LMBRD1: variants seen among roughly 807,000 people sequenced by gnomAD.
The protein encoded by LMBRD1 is lysosomal cobalamin transport escort protein LMBD1.
LMBRD1 carries 64 observed loss-of-function variants against 74.8 expected under a neutral mutation model. The ratio of observed to expected loss-of-function variants is 0.86; its 90% CI spans 0.70 to 1.05. The LOEUF (loss-of-function observed/expected upper bound fraction) is 1.05. Ranked by LOEUF, LMBRD1 falls within the 50% of genes least tolerant of loss-of-function variation. LMBRD1 has a pLI of 0.00. For synonymous variants in LMBRD1, 204 were observed against 216.3 expected (o/e 0.94, Z 0.50); for missense variants, 652 against 645.9 (o/e 1.01, Z -0.10).
At chr6:69,696,995 G>GA (rs968848158) in intron 14 of LMBRD1, among the ~76,000 whole-genome samples, 5 of 115,362 alleles carry the variant, frequency 4.3e-5, no homozygotes, top group East Asian at 2.5e-4. Context: ...AACATTCAAA[G>GA]AAAAAAAAAT....
chr6:69,726,793 A>G (rs927558428), intron 7 of LMBRD1, among the ~76,000 whole-genome samples: 3 of 149,082 alleles, frequency 2.0e-5, no homozygotes, highest in African/African-American at 7.4e-5. Flanking sequence ...AAAAAAAAAA[A>G]TGAGTAAGAC....
intron 3 of LMBRD1, among the ~76,000 whole-genome samples, chr6:69,775,782 A>G (rs1021358157): frequency 2.0e-5 from 3 of 152,228 alleles, no homozygotes; most frequent in Admixed American, 2.0e-4. Flanking sequence ...TGTGAGCTAC[A>G]GTAGCCACTT....
At chr6:69,724,128 A>T (rs1321602956) in intron 7 of LMBRD1, among the ~76,000 whole-genome samples, 1 of 151,982 alleles carries the variant, frequency 6.6e-6, no homozygotes, top group Non-Finnish European at 1.5e-5. Flanking sequence ...AATCCTGAAC[A>T]GACCAGTAAT....
At chr6:69,781,078 C>T (rs1192511561) in intron 2 of LMBRD1, among the ~76,000 whole-genome samples, 1 of 152,124 alleles carries the variant, frequency 6.6e-6, no homozygotes, top group African/African-American at 2.4e-5. Flanking sequence ...GAATTTTATG[C>T]AGAGAGCAAC....
intron 7 of LMBRD1, among the ~76,000 whole-genome samples, chr6:69,722,530 T>C (rs565435074): frequency 1.3e-5 from 2 of 152,220 alleles, no homozygotes; most frequent in South Asian, 4.1e-4. Flanking sequence ...ACAAAAAGTT[T>C]AAAAGCAGGA....
intron 3 of LMBRD1, among the ~76,000 whole-genome samples, chr6:69,759,829 C>T (rs1278095985): frequency 6.6e-6 from 1 of 152,064 alleles, no homozygotes; most frequent in Non-Finnish European, 1.5e-5. Context: ...TAAAAAATTT[C>T]TTAAATCAAT....
intron 3 of LMBRD1, among the ~76,000 whole-genome samples, chr6:69,776,883 A>C (rs1008768684): frequency 6.6e-6 from 1 of 152,208 alleles, no homozygotes; most frequent in Non-Finnish European, 1.5e-5. Context: ...GGGCAGGTGC[A>C]GTGGCTCACG....
Position 69,694,392 on chromosome 6 carries a change from T to C in LMBRD1, c.1417+3171A>G, listed in dbSNP as rs150542940. Among the ~76,000 whole-genome samples the C allele has an allele frequency of 3.9e-3, 596 of 152,288 alleles. 2 individuals carry two copies. Among genetic ancestry groups the C allele is most frequent in the Non-Finnish European group, 5.1e-3 (346 of 67,984 alleles). On this transcript the variant is annotated intron_variant, in intron 14 of 15. Transcript: ENST00000649934. Reference sequence around the variant, plus strand: ...CAATCTGTTTTCATCCAGCTAAATATGCAACTCAAAGCACTTCAACTATCA... The same window carrying C: ...CAATCTGTTTTCATCCAGCTAAATACGCAACTCAAAGCACTTCAACTATCA...
chr6:69,700,671 T>C, intron 12 of LMBRD1, 94 bp downstream of exon 12: 1 of 858,202 alleles, frequency 1.2e-6, no homozygotes, highest in South Asian at 2.5e-5. Flanking sequence ...GGTATAAAGA[T>C]ACAGCTACTA....
chr6:69,788,044 A>G (rs1431673675), intron 2 of LMBRD1, among the ~76,000 whole-genome samples: 2 of 152,234 alleles, frequency 1.3e-5, no homozygotes, highest in Admixed American at 1.3e-4. Context: ...ATTTCCTAGG[A>G]AGCGAGCACT....
chr6:69,750,282 T>A (rs990316662), intron 4 of LMBRD1, among the ~76,000 whole-genome samples: 3 of 151,692 alleles, frequency 2.0e-5, no homozygotes, highest in Non-Finnish European at 4.4e-5. Context: ...TCTTTAGACA[T>A]AAGGAAGCTT....
chr6:69,745,073 ATCCACCTCCC>A (rs1767189896), intron 5 of LMBRD1, among the ~76,000 whole-genome samples: 1 of 151,488 alleles, frequency 6.6e-6, no homozygotes, highest in Non-Finnish European at 1.5e-5. Context: ...TGACCTCGTG[ATCCACCTCCC>A]TCGGCCTCCC....
intron 14 of LMBRD1, among the ~76,000 whole-genome samples, chr6:69,680,344 C>T (rs1454663036): frequency 1.3e-5 from 2 of 152,098 alleles, no homozygotes; most frequent in Admixed American, 6.6e-5. Context: ...TTATTTCACT[C>T]ATTTCCATAC....
chr6:69,718,697 T>C (rs1766546995), intron 8 of LMBRD1, among the ~76,000 whole-genome samples: 1 of 152,182 alleles, frequency 6.6e-6, no homozygotes, highest in African/African-American at 2.4e-5. Context: ...TCACTCACTA[T>C]CATGAGAACA....
chr6:69,757,267 C>CA lies in LMBRD1; in HGVS notation c.308-4912dup, dbSNP rs534674273. ...AATGGACAACACTAATCTGAGAAGTCAAAAAAAAATGGGGCAGCTATTGAC... is the reference window on the plus strand; with the variant it reads ...AATGGACAACACTAATCTGAGAAGTCAAAAAAAAAATGGGGCAGCTATTGAC... On this transcript the variant is annotated intron_variant, in intron 3 of 15. Coordinates refer to ENST00000649934, the MANE Select transcript of LMBRD1 (RefSeq NM_018368.4). Among the ~76,000 whole-genome samples the CA allele has an allele frequency of 8.8e-5, 13 of 148,474 alleles. No homozygotes were observed. The South Asian group carries it at 1.3e-3, about 15-fold the overall frequency.
chr6:69,699,804 A>G (rs1766087414), intron 12 of LMBRD1, among the ~76,000 whole-genome samples: 1 of 151,878 alleles, frequency 6.6e-6, no homozygotes, highest in Non-Finnish European at 1.5e-5. Context: ...AGATTGTAGT[A>G]CACCACAATT....
intron 2 of LMBRD1, among the ~76,000 whole-genome samples, chr6:69,786,909 G>A (rs1362314172): frequency 1.3e-5 from 2 of 152,184 alleles, no homozygotes; most frequent in African/African-American, 4.8e-5. Context: ...CATAATTAGA[G>A]AGAGGCTTCA....
chr6:69,687,474 G>C (rs1244981538), intron 14 of LMBRD1, among the ~76,000 whole-genome samples: 2 of 152,118 alleles, frequency 1.3e-5, no homozygotes, highest in East Asian at 3.9e-4. Context: ...CTAGCACAGA[G>C]CAGACATCAA....
chr6:69,715,469 G>A (rs1766468323), intron 8 of LMBRD1, among the ~76,000 whole-genome samples: 1 of 152,058 alleles, frequency 6.6e-6, no homozygotes, highest in Non-Finnish European at 1.5e-5. Context: ...ATACTAAGAT[G>A]TAAACTCAGC....
Sources: allele counts gnomAD v4.1 joint callset (sites outside exome capture counted in the v4.1 genomes callset), GRCh38; gene constraint gnomAD v4.1.1; transcripts MANE v1.5; gene names NCBI Gene and HGNC (gene_info 2026-07-23, HGNC 2026-07-21).